Variants in PTRH1 observed in about 807,000 individuals in gnomAD.
PTRH1 encodes peptidyl-tRNA hydrolase 1 homolog.
In PTRH1, 13 loss-of-function variants were observed where a neutral mutation model predicts 15.7. That is an observed-to-expected ratio of 0.83 (90% confidence interval 0.54 to 1.31). The LOEUF is 1.31. Ranked by LOEUF, PTRH1 falls within the 40% of genes most tolerant of loss-of-function variation. PTRH1 has a pLI of 0.00. For synonymous variants in PTRH1, 139 were observed against 136.7 expected (o/e 1.02, Z -0.12); for missense variants, 319 against 296.2 (o/e 1.08, Z -0.56).
At position 127,714,408 on chromosome 9, in the gene PTRH1, G is replaced by C. The variant is rs778048757; in HGVS notation, c.433C>G (p.Arg145Gly). 2 of 1,614,210 alleles carry C rather than the reference G, an allele frequency of 1.2e-6. No homozygotes were observed. Reference sequence around the variant, plus strand: ...GAGTTGAGGCAGCTAATGCAGGAACGGACTCCATTGTGGCCCCTTCAAGGG... The same window carrying C: ...GAGTTGAGGCAGCTAATGCAGGAACCGACTCCATTGTGGCCCCTTCAAGGG... ...GGSARGHNGV[R>G]SCISCLNSNA... The change falls in exon 4 of 5, where the codon CGT becomes GGT. Residue 145 changes from arginine (R) to glycine (G), a missense_variant. Coordinates refer to ENST00000543175, the MANE Select transcript of PTRH1 (RefSeq NM_001002913.3).
intron 1 of PTRH1, among the ~76,000 whole-genome samples, chr9:127,707,893 G>C (rs896149890): frequency 6.6e-6 from 1 of 152,186 alleles, no homozygotes; most frequent in Non-Finnish European, 1.5e-5. Context: ...TGATGCTGTG[G>C]GTGACCACAG....
chr9:127,714,959 G>T lies in PTRH1; in HGVS notation c.316+16C>A. The T allele has an allele frequency of 2.1e-5, 2 of 95,346 alleles. No individual in the cohort carries two copies. Among genetic ancestry groups the T allele is most frequent in the South Asian group, 1.0e-4 (1 of 10,050 alleles). 5.9% of individuals were successfully genotyped at this position (95,346 alleles called of 1,614,324 possible). Reference sequence around the variant, plus strand: ...CCCCTTGGCCCGCCCGCCCACCCCTGGCGCTCTCAACTCACCAGCCCGGGC... The same window carrying T: ...CCCCTTGGCCCGCCCGCCCACCCCTTGCGCTCTCAACTCACCAGCCCGGGC... On this transcript the variant is annotated intron_variant, in intron 2 of 4. Transcript: ENST00000543175.
chr9:127,709,605 G>A, downstream of PTRH1: 1 of 1,614,036 alleles, frequency 6.2e-7, no homozygotes, highest in Non-Finnish European at 8.5e-7. The surrounding 1 kb of genome is among the most constrained non-coding windows in gnomAD (Gnocchi z 4.7). Context: ...AAGAGATGGA[G>A]AAGGATGCCT....
At chr9:127,713,235 C>T, downstream of PTRH1, 1 of 1,496,616 alleles carries the variant, frequency 6.7e-7, no homozygotes, top group Non-Finnish European at 9.0e-7. Flanking sequence ...CCAGGGAAAG[C>T]AAGGTGGCAG....
At chr9:127,706,727 G>C (rs1842653017) in intron 1 of PTRH1, among the ~76,000 whole-genome samples, 1 of 152,222 alleles carries the variant, frequency 6.6e-6, no homozygotes, top group African/African-American at 2.4e-5. Flanking sequence ...CCAGGGCCCT[G>C]ACCCACATGA....
At chr9:127,699,728 A>C (rs973505473) in intron 1 of PTRH1, among the ~76,000 whole-genome samples, 2 of 151,628 alleles carry the variant, frequency 1.3e-5, no homozygotes, top group Non-Finnish European at 2.9e-5. Flanking sequence ...AAAAAAAAAC[A>C]AAAAAACTGG....
intron 1 of PTRH1, among the ~76,000 whole-genome samples, chr9:127,701,080 A>G (rs1366983867): frequency 6.6e-6 from 1 of 152,180 alleles, no homozygotes; most frequent in Non-Finnish European, 1.5e-5. Flanking sequence ...ATGAATATGC[A>G]TAGCCCCTCC....
At chr9:127,709,569 G>C, downstream of PTRH1, 1 of 1,614,074 alleles carries the variant, frequency 6.2e-7, no homozygotes, top group Non-Finnish European at 8.5e-7. This position sits in a 1 kb window ranked among gnomAD's most constrained non-coding sequence, Gnocchi z 4.7. Context: ...ACCTCAACGA[G>C]CAGCTCCAGA....
Position 127,715,064 on chromosome 9 carries a change from A to C in PTRH1, c.227T>G (p.Leu76Arg). The change falls in exon 2 of 5, where the codon CTC becomes CGC. Residue 76 changes from leucine to arginine, a missense_variant. By Grantham distance (102) the Leu-to-Arg change is moderately radical (BLOSUM62 -2). Transcript: ENST00000543175. The surrounding 1 kb of genome is among the most constrained non-coding windows in gnomAD (Gnocchi z 5.8). Reference protein sequence around the residue: ...WTRDRHCAADLALAPLGDAQL... With the variant: ...WTRDRHCAADRALAPLGDAQL... Reference sequence around the variant, plus strand: ...GGCATCCCCCAGCGGGGCCAGGGCGAGGTCGGCGGCACAGTGCCGGTCGCG... The same window carrying C: ...GGCATCCCCCAGCGGGGCCAGGGCGCGGTCGGCGGCACAGTGCCGGTCGCG... 1.3e-6 allele frequency: 2 copies of C among 1,527,920 alleles called. No homozygotes were observed. The highest frequency in any genetic ancestry group is 1.7e-6 in the Non-Finnish European group (2 of 1,143,512). 94.6% of individuals were successfully genotyped at this position (1,527,920 alleles called of 1,614,324 possible).
At chr9:127,711,813 C>T, downstream of PTRH1, 1 of 1,558,516 alleles carries the variant, frequency 6.4e-7, no homozygotes, top group Non-Finnish European at 8.7e-7. Context: ...CCTGTCCGCA[C>T]CCGCAGATCA....
chr9:127,709,497 CAAG>C (rs1265635406), downstream of PTRH1: 14 of 1,614,080 alleles, frequency 8.7e-6, no homozygotes, highest in Middle Eastern at 1.7e-4. The surrounding 1 kb of genome is among the most constrained non-coding windows in gnomAD (Gnocchi z 4.7). Flanking sequence ...TGGCCAATAA[CAAG>C]AAGGAGATTG....
downstream of PTRH1, chr9:127,712,044 T>G: frequency 6.6e-6 from 10 of 1,514,096 alleles, no homozygotes; most frequent in Non-Finnish European, 8.9e-6. Flanking sequence ...GGCCAGTGAC[T>G]TCCCCTCTCT....
chr9:127,695,095 G>GA lies in PTRH1; in HGVS notation c.251_252insT (p.His85ProfsTer60), dbSNP rs1564361247. 5.9e-5 allele frequency: 28 copies of GA among 470,940 alleles called. No individual in the cohort carries two copies. The highest frequency in any genetic ancestry group is 2.0e-4 in the Admixed American group (6 of 29,416). The allele number at this position is 470,940 out of a possible 1,614,324, so 29.2% of individuals were successfully genotyped here. On this transcript the variant is annotated frameshift_variant, in exon 2 of 3. Coordinates refer to the PTRH1 transcript ENST00000335223. LOFTEE classifies it high-confidence loss of function. ...GATGATGATGATGATGATGATGATG[G>GA]TGATGATGATGATGCTGCTGCTGTT...
At chr9:127,714,557 G>C (rs764017770) in intron 3 of PTRH1, 46 bp downstream of exon 3, 1 of 1,596,964 alleles carries the variant, frequency 6.3e-7, no homozygotes, top group Non-Finnish European at 8.6e-7. Flanking sequence ...ACCCCAACTG[G>C]GAGGCCTGAA....
intron 1 of PTRH1, among the ~76,000 whole-genome samples, chr9:127,703,444 A>C (rs1461467830): frequency 6.6e-6 from 1 of 151,484 alleles, no homozygotes; most frequent in Non-Finnish European, 1.5e-5. Flanking sequence ...AGAGAAAGAA[A>C]GAGAGAGAGA....
chr9:127,712,720 T>C, downstream of PTRH1: 1 of 1,614,122 alleles, frequency 6.2e-7, no homozygotes, highest in Non-Finnish European at 8.5e-7. Flanking sequence ...TGCACCGCGA[T>C]GAAGAGGACA....
chr9:127,713,004 G>C (rs199630039), downstream of PTRH1: 4 of 1,610,152 alleles, frequency 2.5e-6, 1 homozygote, highest in South Asian at 4.4e-5. Context: ...TGTGACCCTC[G>C]GCCCCCTCCC....
chr9:127,698,801 T>A (rs1842581767), intron 1 of PTRH1, among the ~76,000 whole-genome samples: 1 of 152,154 alleles, frequency 6.6e-6, no homozygotes, highest in African/African-American at 2.4e-5. Context: ...ACCTTGTCTG[T>A]TTCTAAGAAA....
chr9:127,695,053 T>TTGATGATGA (rs57076743), exon 2 of PTRH1: 9,724 of 671,732 alleles, frequency 0.014, 53 homozygotes, highest in South Asian at 0.02. Flanking sequence ...GGCTCAGCCA[T>TTGATGATGA]TGATGATGAT....
Sources: allele counts gnomAD v4.1 joint callset (sites outside exome capture counted in the v4.1 genomes callset), GRCh38; gene constraint gnomAD v4.1.1; non-coding constraint Gnocchi (gnomAD v3.1); transcripts MANE v1.5; gene names NCBI Gene and HGNC (gene_info 2026-07-23, HGNC 2026-07-21).